Variants in CREBBP observed in about 807,000 individuals in gnomAD.
CREBBP encodes the protein CREB-binding protein.
A neutral mutation model predicts 265.0 loss-of-function variants in CREBBP; 19 were observed. That is an observed-to-expected ratio of 0.07 (90% CI 0.05 to 0.11). The LOEUF (loss-of-function observed/expected upper bound fraction) is 0.11, where lower values mean the gene tolerates loss of function less well. Among genes scored for constraint, CREBBP ranks in the 10% least tolerant of loss-of-function variants. The pLI is 1.00. For synonymous variants in CREBBP, 1,457 were observed against 1,223.7 expected (o/e 1.19, Z -3.98); for missense variants, 2,525 against 3,219.0 (o/e 0.78, Z 5.22).
rs371905531 is a variant in CREBBP at position 3,777,992 on chromosome 16, T to C, written c.2113+19A>G. 1.7e-5 allele frequency: 27 copies of C among 1,613,504 alleles called. No individual in the cohort carries two copies. The highest frequency in any genetic ancestry group is 2.2e-5 in the Non-Finnish European group (26 of 1,179,520). ...AAGGAAACAGGCTAAGGGATGGCAG[T>C]AGGAAATAAAATCCTTACTTGGAGG... is the stretch of plus-strand genomic sequence containing the variant. On this transcript the variant is annotated intron_variant, in intron 10 of 30. Transcript: ENST00000262367.
At chr16:3,800,126 C>A (rs2053683152) in intron 3 of CREBBP, among the ~76,000 whole-genome samples, 1 of 152,142 alleles carries the variant, frequency 6.6e-6, no homozygotes, top group Non-Finnish European at 1.5e-5. Context: ...AGTAAAAATT[C>A]TTTTTATTTT....
intron 1 of CREBBP, among the ~76,000 whole-genome samples, chr16:3,862,739 T>C (rs1309796494): frequency 6.6e-6 from 1 of 152,134 alleles, no homozygotes; most frequent in Non-Finnish European, 1.5e-5. Flanking sequence ...GCTCCTGCCA[T>C]CTTGAAGTTT....
chr16:3,835,122 G>A (rs543947493), intron 2 of CREBBP, among the ~76,000 whole-genome samples: 4 of 152,300 alleles, frequency 2.6e-5, no homozygotes, highest in Non-Finnish European at 5.9e-5. Context: ...CCACGCCACT[G>A]CACTCCGGCC....
In CREBBP at chr16:3,731,704, A is replaced by G. The variant is rs2151318363; in HGVS notation, c.4890+72T>C. On this transcript the variant is annotated intron_variant, in intron 29 of 30. Transcript: ENST00000262367. The surrounding 1 kb of genome is among the most constrained non-coding windows in gnomAD (Gnocchi z 7.7). ...CCACCACAGACCTGCACACGGGCCC[A>G]CGCCCGCCAGCTGCGAGTCTTTCCC... 6.2e-7 allele frequency: 1 copy of G among 1,603,390 alleles called. No individual in the cohort carries two copies. The highest frequency in any genetic ancestry group is 8.5e-7 in the Non-Finnish European group (1 of 1,171,588).
Position 3,774,621 on chromosome 16 carries a change from G to C in CREBBP, c.2231C>G (p.Ala744Gly). ...CTGGACAGAGTGGTTCATTGGGGAG[G>C]CTGCACGAGGTCCCATGGGTGCTTG... ...LPQAPMGPRA[A>G]SPMNHSVQMN... The change falls in exon 12 of 31, where the codon GCC (alanine) becomes GGC (glycine). Residue 744 changes from alanine (A) to glycine (G), a missense_variant. Transcript: ENST00000262367. The C allele has an allele frequency of 6.2e-7, 1 of 1,614,202 alleles. No individual in the cohort carries two copies. The highest frequency in any genetic ancestry group is 1.3e-5 in the African/African-American group (1 of 75,054).
rs1451519709 is a variant in CREBBP at position 3,725,866 on chromosome 16, G to T, written c.*1852C>A. 1 of 233,040 alleles carries T rather than the reference G, an allele frequency of 4.3e-6. No individual in the cohort carries two copies. The highest frequency in any genetic ancestry group is 5.6e-5 in the Admixed American group (1 of 17,758). The allele number at this position is 233,040 out of a possible 1,614,324, so 14.4% of individuals were successfully genotyped here. Reference sequence around the variant, plus strand: ...CCCACCTAGACCAGCCTTTGTTGGGGGACTAGGGATAAAGTGGGTTCTCTG... The same window carrying T: ...CCCACCTAGACCAGCCTTTGTTGGGTGACTAGGGATAAAGTGGGTTCTCTG... On this transcript the variant is annotated 3_prime_UTR_variant, in exon 31 of 31. Coordinates refer to ENST00000262367, the MANE Select transcript of CREBBP (RefSeq NM_004380.3).
chr16:3,757,415 C>T (rs1279418259), intron 18 of CREBBP, 39 bp from the exon 19 acceptor site: 3 of 1,472,136 alleles, frequency 2.0e-6, no homozygotes, highest in Non-Finnish European at 2.8e-6. Flanking sequence ...TATAAAAATA[C>T]ATTCCATTTA....
At chr16:3,870,544 CACAG>C (rs1411179261) in intron 1 of CREBBP, among the ~76,000 whole-genome samples, 1 of 152,118 alleles carries the variant, frequency 6.6e-6, no homozygotes, top group Non-Finnish European at 1.5e-5. Context: ...GAACTGCAAA[CACAG>C]ACGGAGTAAA....
At position 3,726,877 on chromosome 16, in the gene CREBBP, C is replaced by A; in HGVS notation, c.*841G>T. 1 of 233,562 alleles carries A rather than the reference C, an allele frequency of 4.3e-6. No individual in the cohort carries two copies. Among genetic ancestry groups the A allele is most frequent in the East Asian group, 6.0e-5 (1 of 16,538 alleles). 14.5% of individuals were successfully genotyped at this position (233,562 alleles called of 1,614,324 possible). On this transcript the variant is annotated 3_prime_UTR_variant, in exon 31 of 31. Transcript: ENST00000262367. ...ATATAAGAAATGAGTTGGTATTTTA[C>A]CATTCTATACAGTGATTGAATCTTC...
At chr16:3,768,335 T>A (rs993089006) in intron 15 of CREBBP, among the ~76,000 whole-genome samples, 2 of 151,722 alleles carry the variant, frequency 1.3e-5, no homozygotes, top group Non-Finnish European at 2.9e-5. Context: ...TTGGTAGATA[T>A]GGGGTTTCAT....
chr16:3,834,386 C>T (rs1447884227), intron 2 of CREBBP, among the ~76,000 whole-genome samples: 1 of 152,220 alleles, frequency 6.6e-6, no homozygotes, highest in Admixed American at 6.5e-5. Context: ...GGATAATTGC[C>T]ATGAAAAGAC....
rs76100714 is a variant in CREBBP, at chr16:3,725,977, G to C, written c.*1741C>G. ...TCAGTTTTACGGTTTTTGTGAACTT[G>C]TCTCACCCACTCAGTAAGGGAGCCT... On this transcript the variant is annotated 3_prime_UTR_variant, in exon 31 of 31. Coordinates refer to ENST00000262367, the MANE Select transcript of CREBBP (RefSeq NM_004380.3). 3.5e-3 allele frequency: 810 copies of C among 233,108 alleles called. 12 individuals are homozygous for C. Among genetic ancestry groups the C allele is most frequent in the Admixed American group, 0.03 (533 of 17,778 alleles). The allele number at this position is 233,108 out of a possible 1,614,324, so 14.4% of individuals were successfully genotyped here.
At position 3,725,076 on chromosome 16, in the gene CREBBP, A is replaced by G. The variant is rs2051708193; in HGVS notation, c.*2642T>C. The G allele has an allele frequency of 4.3e-6, 1 of 231,880 alleles. No individual in the cohort carries two copies. The highest frequency in any genetic ancestry group is 2.2e-5 in the African/African-American group (1 of 45,258). 14.4% of individuals were successfully genotyped at this position (231,880 alleles called of 1,614,324 possible). On this transcript the variant is annotated 3_prime_UTR_variant, in exon 31 of 31. Transcript: ENST00000262367. ...ATCTTTGAATCCAAGTAGTTTTACCATCTTTTATTATAAACACCATCACAT... is the reference window on the plus strand; with the variant it reads ...ATCTTTGAATCCAAGTAGTTTTACCGTCTTTTATTATAAACACCATCACAT...
At chr16:3,798,721 T>C (rs1230786177) in intron 3 of CREBBP, among the ~76,000 whole-genome samples, 2 of 152,200 alleles carry the variant, frequency 1.3e-5, no homozygotes, top group African/African-American at 2.4e-5. Flanking sequence ...GGAATCCTCA[T>C]ACATTGGTGT....
intron 19 of CREBBP, among the ~76,000 whole-genome samples, chr16:3,755,544 C>A (rs940429667): frequency 6.6e-6 from 1 of 152,024 alleles, no homozygotes; most frequent in Non-Finnish European, 1.5e-5. Flanking sequence ...AATGAGGCTG[C>A]GAGGGAAGAC....
intron 1 of CREBBP, among the ~76,000 whole-genome samples, chr16:3,860,810 T>C (rs979907505): frequency 6.6e-6 from 1 of 151,674 alleles, no homozygotes; most frequent in Non-Finnish European, 1.5e-5. Flanking sequence ...TTAAATGACC[T>C]GGAGGCCACA....
intron 1 of CREBBP, among the ~76,000 whole-genome samples, chr16:3,871,477 C>T (rs191099464): frequency 5.9e-5 from 9 of 152,316 alleles, no homozygotes; most frequent in Non-Finnish European, 1.2e-4. Flanking sequence ...GGGTCAAACT[C>T]GTAGAGTCTA....
Position 3,727,752 on chromosome 16 carries a change from C to A in CREBBP, c.7295G>T (p.Gly2432Val). 6.2e-7 allele frequency: 1 copy of A among 1,614,148 alleles called. No individual in the cohort carries two copies. The highest frequency in any genetic ancestry group is 2.2e-5 in the East Asian group (1 of 44,886). Residue 2432 changes from glycine (G) to valine (V), a missense_variant, in exon 31 of 31, where the codon GGG (glycine) becomes GTG (valine). Transcript: ENST00000262367. The stretch of plus-strand genomic sequence containing the variant: ...CTCCACAAACTTCTCTAGCGTGTCC[C>A]CCGTGGTGTCCCCGACCAGGGACAG... Reference protein sequence around the residue: ...SELSLVGDTTGDTLEKFVEGL With the variant: ...SELSLVGDTTVDTLEKFVEGL
Position 3,779,374 on chromosome 16 carries a change from T to C in CREBBP, c.1824-557A>G, listed in dbSNP as rs114361010. On this transcript the variant is annotated intron_variant, in intron 8 of 30. Transcript: ENST00000262367. Reference sequence around the variant, plus strand: ...ATTTTCTGTAGAGATGGAGTTTTATTATGTTGCCCCGGCTGGCCTGAACTC... The same window carrying C: ...ATTTTCTGTAGAGATGGAGTTTTATCATGTTGCCCCGGCTGGCCTGAACTC... Among the ~76,000 whole-genome samples, 495 of 152,208 alleles carry C rather than the reference T, an allele frequency of 3.3e-3. 3 individuals are homozygous for C. The highest frequency in any genetic ancestry group is 0.012 in the African/African-American group (478 of 41,514).
Sources: allele counts gnomAD v4.1 joint callset (sites outside exome capture counted in the v4.1 genomes callset), GRCh38; gene constraint gnomAD v4.1.1; non-coding constraint Gnocchi (gnomAD v3.1); transcripts MANE v1.5; gene names NCBI Gene and HGNC (gene_info 2026-07-23, HGNC 2026-07-21).